Variants in CTNNA3 observed in about 807,000 individuals in gnomAD.
CTNNA3 encodes catenin alpha-3.
A neutral mutation model predicts 95.7 loss-of-function variants in CTNNA3; 76 were observed. The observed-to-expected ratio is 0.79, with a 90% CI of 0.66 to 0.96. The LOEUF (loss-of-function observed/expected upper bound fraction) is 0.96. Ranked by LOEUF, CTNNA3 falls within the 40% of genes least tolerant of loss-of-function variation. The pLI, the probability that CTNNA3 is intolerant of heterozygous loss-of-function variation, is 0.00. For synonymous variants in CTNNA3, 431 were observed against 374.4 expected (o/e 1.15, Z -1.74); for missense variants, 1,191 against 1,089.8 (o/e 1.09, Z -1.31).
intron 13 of CTNNA3, among the ~76,000 whole-genome samples, chr10:66,132,457 T>A (rs1411601677): frequency 6.6e-6 from 1 of 151,836 alleles, no homozygotes; most frequent in Non-Finnish European, 1.5e-5. Flanking sequence ...TTGGTGGGAG[T>A]GTAAATTATT....
chr10:67,253,134 CA>C (rs1438545405), intron 5 of CTNNA3, among the ~76,000 whole-genome samples: 1 of 152,000 alleles, frequency 6.6e-6, no homozygotes, highest in Non-Finnish European at 1.5e-5. Context: ...CCATGTTAAG[CA>C]AAATAAGGAT....
chr10:67,408,051 TC>T (rs1443490291), intron 5 of CTNNA3, among the ~76,000 whole-genome samples: 5 of 152,262 alleles, frequency 3.3e-5, no homozygotes, highest in African/African-American at 1.2e-4. Context: ...AAGGACCTCT[TC>T]AAGGAGAACT....
chr10:67,088,815 T>C (rs537560300), intron 7 of CTNNA3, among the ~76,000 whole-genome samples: 4 of 152,216 alleles, frequency 2.6e-5, no homozygotes, highest in East Asian at 1.9e-4. Context: ...CAAATTTATA[T>C]TGAGTTCCTG....
chr10:67,240,558 C>T (rs529771551), intron 5 of CTNNA3, among the ~76,000 whole-genome samples: 2 of 152,226 alleles, frequency 1.3e-5, no homozygotes, highest in South Asian at 4.2e-4. Context: ...GCCTTTACTA[C>T]TTTTCTATCC....
At chr10:65,949,170 G>T (rs2077571096) in intron 17 of CTNNA3, among the ~76,000 whole-genome samples, 1 of 152,134 alleles carries the variant, frequency 6.6e-6, no homozygotes, top group South Asian at 2.1e-4. Context: ...CATCTCTGCG[G>T]TGTTGTTTCA....
intron 3 of CTNNA3, among the ~76,000 whole-genome samples, chr10:67,545,509 T>C (rs550350446): frequency 6.6e-6 from 1 of 152,206 alleles, no homozygotes; most frequent in South Asian, 2.1e-4. Context: ...AAAATATCTA[T>C]TAATTCTTTA....
At chr10:66,713,430 C>G (rs1049087604) in intron 9 of CTNNA3, among the ~76,000 whole-genome samples, 1 of 151,918 alleles carries the variant, frequency 6.6e-6, no homozygotes, top group African/African-American at 2.4e-5. Context: ...TCCTGGCAGG[C>G]CTTTTTTTGT....
chr10:66,487,222 G>T (rs1381231365), intron 11 of CTNNA3, among the ~76,000 whole-genome samples: 4 of 75,642 alleles, frequency 5.3e-5, no homozygotes, highest in Admixed American at 2.1e-4. Context: ...TTTTTTTTGA[G>T]ACGGAATCTC....
intron 9 of CTNNA3, among the ~76,000 whole-genome samples, chr10:66,641,841 T>C (rs1845527426): frequency 6.6e-6 from 1 of 152,102 alleles, no homozygotes; most frequent in African/African-American, 2.4e-5. Context: ...AAATATGTCT[T>C]ATAGCCAGCA....
intron 2 of CTNNA3, among the ~76,000 whole-genome samples, chr10:67,643,922 C>G (rs1839619532): frequency 6.6e-6 from 1 of 152,116 alleles, no homozygotes; most frequent in Non-Finnish European, 1.5e-5. Flanking sequence ...TTTTCTTTAT[C>G]CAGTCTATCA....
chr10:67,497,652 G>A (rs1839070684), intron 5 of CTNNA3, among the ~76,000 whole-genome samples: 1 of 152,194 alleles, frequency 6.6e-6, no homozygotes, highest in South Asian at 2.1e-4. Context: ...GTATCTCATT[G>A]TGGTTTTGAT....
At chr10:67,755,802 C>CAAAAAAA (rs201336788) in intron 1 of CTNNA3, among the ~76,000 whole-genome samples, 7 of 58,722 alleles carry the variant, frequency 1.2e-4, no homozygotes, top group East Asian at 6.5e-4. Flanking sequence ...GTCTCTGCCT[C>CAAAAAAA]AAAAAAAAAA....
At chr10:66,991,067 G>A (rs990723389) in intron 7 of CTNNA3, among the ~76,000 whole-genome samples, 4 of 152,168 alleles carry the variant, frequency 2.6e-5, no homozygotes, top group Admixed American at 2.6e-4. Context: ...ACACGCTGCA[G>A]AAGAACCTTC....
intron 12 of CTNNA3, among the ~76,000 whole-genome samples, chr10:66,309,644 C>T (rs1221298774): frequency 7.3e-6 from 1 of 137,552 alleles, no homozygotes; most frequent in African/African-American, 2.7e-5. Flanking sequence ...TGAGATCGCG[C>T]CACTGCACTC....
chr10:67,521,704 G>C, intron 5 of CTNNA3, 138 bp downstream of exon 5: 1 of 1,079,640 alleles, frequency 9.3e-7, no homozygotes, highest in South Asian at 2.0e-5. Context: ...GAACACAGCA[G>C]ATCAGCACAG....
chr10:67,467,563 C>T (rs538449089), intron 5 of CTNNA3, among the ~76,000 whole-genome samples: 1 of 152,014 alleles, frequency 6.6e-6, no homozygotes, highest in Non-Finnish European at 1.5e-5. Flanking sequence ...ATTTATTGAA[C>T]AACATATTTT....
chr10:66,986,222 G>C (rs1332673862), intron 7 of CTNNA3, among the ~76,000 whole-genome samples: 1 of 152,046 alleles, frequency 6.6e-6, no homozygotes, highest in South Asian at 2.1e-4. Context: ...AGACTGCTGG[G>C]CATGGTGGCT....
intron 11 of CTNNA3, among the ~76,000 whole-genome samples, chr10:66,477,522 A>G (rs1356944986): frequency 6.6e-6 from 1 of 152,020 alleles, no homozygotes; most frequent in Non-Finnish European, 1.5e-5. Flanking sequence ...TATTTCTACG[A>G]CCCACTCTGA....
intron 4 of CTNNA3, among the ~76,000 whole-genome samples, chr10:67,536,959 C>T (rs1840505036): frequency 6.6e-6 from 1 of 152,082 alleles, no homozygotes; most frequent in African/African-American, 2.4e-5. Flanking sequence ...GATAATGATT[C>T]ATATATAAAC....
Sources: allele counts gnomAD v4.1 joint callset (sites outside exome capture counted in the v4.1 genomes callset), GRCh38; gene constraint gnomAD v4.1.1; transcripts MANE v1.5; gene names NCBI Gene and HGNC (gene_info 2026-07-23, HGNC 2026-07-21).